Variants in STK32B observed in about 807,000 individuals in gnomAD.
The protein encoded by STK32B is serine/threonine-protein kinase 32B.
A neutral mutation model predicts 52.6 loss-of-function variants in STK32B; 43 were observed. That is an observed-to-expected ratio of 0.82 (90% CI 0.64 to 1.05). STK32B has a LOEUF of 1.05. Among genes scored for constraint, STK32B ranks in the 50% least tolerant of loss-of-function variants. The pLI is 0.00. For synonymous variants in STK32B, 238 were observed against 204.3 expected (o/e 1.17, Z -1.41); for missense variants, 621 against 534.6 (o/e 1.16, Z -1.59).
intron 3 of STK32B, among the ~76,000 whole-genome samples, chr4:5,299,006 G>A (rs548611496): frequency 2.0e-5 from 3 of 151,956 alleles, no homozygotes; most frequent in Admixed American, 6.6e-5. Context: ...TAGCACTGTC[G>A]CTCACGGCAC....
At chr4:5,481,999 A>G (rs1006558080) in intron 11 of STK32B, among the ~76,000 whole-genome samples, 2 of 152,164 alleles carry the variant, frequency 1.3e-5, no homozygotes, top group African/African-American at 2.4e-5. Flanking sequence ...CTTGTAGTAC[A>G]GTTTGAAGTC....
At chr4:5,300,147 T>C (rs1193679270) in intron 3 of STK32B, among the ~76,000 whole-genome samples, 1 of 152,228 alleles carries the variant, frequency 6.6e-6, no homozygotes, top group Non-Finnish European at 1.5e-5. Context: ...TCAATAAATG[T>C]GATTCATCAC....
intron 3 of STK32B, among the ~76,000 whole-genome samples, chr4:5,262,548 C>G (rs1036623681): frequency 2.0e-5 from 3 of 151,054 alleles, no homozygotes; most frequent in African/African-American, 7.3e-5. Context: ...TGGCGTGAAC[C>G]TGGGAGATGG....
At chr4:5,231,612 A>T (rs1724275168) in intron 3 of STK32B, among the ~76,000 whole-genome samples, 1 of 152,182 alleles carries the variant, frequency 6.6e-6, no homozygotes, top group Non-Finnish European at 1.5e-5. Flanking sequence ...CCTCTGTCTC[A>T]AAAACAGAAA....
intron 6 of STK32B, among the ~76,000 whole-genome samples, chr4:5,422,321 G>A (rs905001283): frequency 6.6e-6 from 1 of 152,192 alleles, no homozygotes; most frequent in African/African-American, 2.4e-5. Context: ...CAAGTGGCAG[G>A]TTTGTTTATT....
At chr4:5,216,721 G>A (rs1403420272) in intron 3 of STK32B, among the ~76,000 whole-genome samples, 1 of 152,196 alleles carries the variant, frequency 6.6e-6, no homozygotes, top group African/African-American at 2.4e-5. Flanking sequence ...AGGAGCTGGA[G>A]GTGCCTTCTG....
Position 5,250,310 on chromosome 4 carries a change from C to CTTTTT in STK32B, c.261-80894_261-80890dup, listed in dbSNP as rs143911318. Among the ~76,000 whole-genome samples, 400 of 119,234 alleles carry CTTTTT rather than the reference C, an allele frequency of 3.4e-3. 2 individuals carry two copies. The highest frequency in any genetic ancestry group is 0.012 in the African/African-American group (372 of 31,668). The allele number at this position is 119,234 out of a possible 152,430, so 78.2% of individuals were successfully genotyped here. ...ATGAATGGTAATTCTGTTTTAAGTTCTTTTTTTTTTTTTTTTTTTTGAGAC... is the reference window on the plus strand; with the variant it reads ...ATGAATGGTAATTCTGTTTTAAGTTCTTTTTTTTTTTTTTTTTTTTTTTTTGAGAC... On this transcript the variant is annotated intron_variant, in intron 3 of 11. Coordinates refer to ENST00000282908, the MANE Select transcript of STK32B (RefSeq NM_018401.3).
intron 1 of STK32B, among the ~76,000 whole-genome samples, chr4:5,056,009 G>A (rs954094115): frequency 6.6e-6 from 1 of 152,232 alleles, no homozygotes; most frequent in Non-Finnish European, 1.5e-5. Context: ...TTATCAGTTC[G>A]TGGTCTGTAG....
At chr4:5,483,475 T>C (rs1372709001) in intron 11 of STK32B, among the ~76,000 whole-genome samples, 1 of 152,180 alleles carries the variant, frequency 6.6e-6, no homozygotes, top group East Asian at 1.9e-4. Context: ...GATCCTTCTC[T>C]CTTTTCTTCT....
chr4:5,344,677 G>T (rs571806728), intron 4 of STK32B, among the ~76,000 whole-genome samples: 13 of 148,978 alleles, frequency 8.7e-5, no homozygotes, highest in Non-Finnish European at 1.6e-4. Context: ...TTTCTTTTTG[G>T]CAAACTTTGT....
intron 7 of STK32B, chr4:5,447,094 A>T (rs1304696621): frequency 9.0e-6 from 2 of 222,600 alleles, no homozygotes; most frequent in Admixed American, 5.2e-5. Flanking sequence ...CTTTGAACCC[A>T]CAACACAAGG....
chr4:5,050,878 T>G (rs1387546076), upstream of STK32B, among the ~76,000 whole-genome samples: 1 of 152,070 alleles, frequency 6.6e-6, no homozygotes, highest in Non-Finnish European at 1.5e-5. Context: ...GCCGCCCAAT[T>G]TTGGGGGAAT....
At chr4:5,295,699 G>C (rs1373771163) in intron 3 of STK32B, among the ~76,000 whole-genome samples, 1 of 151,376 alleles carries the variant, frequency 6.6e-6, no homozygotes, top group East Asian at 1.9e-4. Flanking sequence ...GGGCTATTTT[G>C]TTAATCTTTT....
chr4:5,355,066 C>G (rs1333502508), intron 4 of STK32B, among the ~76,000 whole-genome samples: 1 of 152,148 alleles, frequency 6.6e-6, no homozygotes, highest in Non-Finnish European at 1.5e-5. Flanking sequence ...ACTTTCCATG[C>G]TGTTCTTCTG....
intron 3 of STK32B, among the ~76,000 whole-genome samples, chr4:5,266,738 T>C (rs768125679): frequency 1.3e-5 from 2 of 152,232 alleles, no homozygotes; most frequent in Non-Finnish European, 2.9e-5. Context: ...CTTTTCATCC[T>C]GGTGATCTTT....
At chr4:5,182,443 C>CA (rs1440952562) in intron 3 of STK32B, among the ~76,000 whole-genome samples, 1 of 151,966 alleles carries the variant, frequency 6.6e-6, no homozygotes, top group Non-Finnish European at 1.5e-5. Flanking sequence ...TGTAGCCTTA[C>CA]AAAATGTCCT....
chr4:5,240,039 C>T (rs953981433), intron 3 of STK32B, among the ~76,000 whole-genome samples: 1 of 143,136 alleles, frequency 7.0e-6, no homozygotes, highest in African/African-American at 2.9e-5. Flanking sequence ...TCTCTTTCCC[C>T]CCTTCATTTC....
intron 3 of STK32B, among the ~76,000 whole-genome samples, chr4:5,272,836 C>T: frequency 1.5e-5 from 2 of 133,818 alleles, no homozygotes; most frequent in Non-Finnish European, 3.2e-5. Flanking sequence ...ATACAAAAAT[C>T]AATTCAAGAT....
At chr4:5,328,807 C>G (rs370214456) in intron 3 of STK32B, among the ~76,000 whole-genome samples, 10 of 152,144 alleles carry the variant, frequency 6.6e-5, no homozygotes, top group Non-Finnish European at 1.3e-4. Context: ...TGCAGTAAAA[C>G]AAGGTAGTCC....
Sources: gnomAD v4.1 joint callset for allele counts (sites outside exome capture counted in the v4.1 genomes callset) on GRCh38, gnomAD v4.1.1 for gene constraint, MANE v1.5 for transcripts, NCBI Gene and HGNC (gene_info 2026-07-23, HGNC 2026-07-21) for gene names.